The following FUT8 variants were observed in gnomAD, a reference collection of about 807,000 sequenced individuals.
FUT8 encodes the protein alpha-(1,6)-fucosyltransferase.
Under a neutral mutation model 71.3 loss-of-function variants are expected in FUT8, and 29 were observed. The ratio of observed to expected loss-of-function variants is 0.41; its 90% CI spans 0.30 to 0.55. The LOEUF (loss-of-function observed/expected upper bound fraction) is 0.55. FUT8 is among the 20% of genes least tolerant of loss of function. FUT8 has a pLI of 0.34. For synonymous variants in FUT8, 254 were observed against 239.3 expected (o/e 1.06, Z -0.57); for missense variants, 544 against 702.1 (o/e 0.77, Z 2.55).
At chr14:65,404,784 C>T in the FUT8 span, among the ~76,000 whole-genome samples, 105,172 of 152,194 alleles carry the variant, frequency 0.69, 36,596 homozygotes, top group East Asian at 0.86. Context: ...CGGCCTTGCT[C>T]CTTTTTATAC....
At chr14:65,644,504 C>T (rs945104955) in intron 6 of FUT8, among the ~76,000 whole-genome samples, 6 of 151,982 alleles carry the variant, frequency 3.9e-5, no homozygotes, top group African/African-American at 4.8e-5. Flanking sequence ...GTTCTGCAGG[C>T]GCCCATCACC....
intron 7 of FUT8, among the ~76,000 whole-genome samples, chr14:65,686,940 A>G (rs550817326): frequency 6.6e-6 from 1 of 152,316 alleles, no homozygotes; most frequent in African/African-American, 2.4e-5. Flanking sequence ...CCTGTGACTC[A>G]TGCTTTAATT....
intron 3 of FUT8, among the ~76,000 whole-genome samples, chr14:65,575,619 CTTCCTCT>C (rs1886724855): frequency 7.4e-6 from 1 of 134,384 alleles, no homozygotes; most frequent in Non-Finnish European, 1.6e-5. Context: ...TCCTTCCTTC[CTTCCTCT>C]TTTTTTTTTT....
intron 5 of FUT8, among the ~76,000 whole-genome samples, chr14:65,628,843 C>G (rs1594834822): frequency 6.6e-6 from 1 of 152,208 alleles, no homozygotes. Context: ...CCAAATCTGG[C>G]TCATTGCCTG....
chr14:65,683,345 T>G (rs1893129057), intron 7 of FUT8, among the ~76,000 whole-genome samples: 1 of 152,182 alleles, frequency 6.6e-6, no homozygotes, highest in South Asian at 2.1e-4. Flanking sequence ...CAGCATGTAA[T>G]TTTATAATGC....
intron 1 of FUT8, among the ~76,000 whole-genome samples, chr14:65,424,784 C>T (rs1030774395): frequency 6.6e-6 from 1 of 152,060 alleles, no homozygotes; most frequent in African/African-American, 2.4e-5. Context: ...TTCAGCCTCC[C>T]AAGTAGCTGG....
intron 5 of FUT8, among the ~76,000 whole-genome samples, chr14:65,620,451 T>C (rs1466221357): frequency 6.6e-6 from 1 of 152,208 alleles, no homozygotes; most frequent in Non-Finnish European, 1.5e-5. Flanking sequence ...TGGGGGATTA[T>C]GTAACAAAAG....
intron 1 of FUT8, among the ~76,000 whole-genome samples, chr14:65,445,922 C>T (rs575206174): frequency 6.6e-6 from 1 of 152,284 alleles, no homozygotes; most frequent in Admixed American, 6.5e-5. Context: ...GCGACTGTGC[C>T]CAGCTAGAAA....
intron 9 of FUT8, among the ~76,000 whole-genome samples, chr14:65,724,643 C>G (rs1895588638): frequency 6.6e-6 from 1 of 152,142 alleles, no homozygotes; most frequent in Non-Finnish European, 1.5e-5. Flanking sequence ...TTGGAGCTGC[C>G]ATAACAAAAT....
chr14:65,412,604 C>T (rs1337933374), upstream of FUT8: 1 of 307,682 alleles, frequency 3.3e-6, no homozygotes, highest in Non-Finnish European at 6.3e-6. Flanking sequence ...CTACGCTCTC[C>T]ACCGGCGCAG....
chr14:65,442,102 G>C (rs1316802679), intron 1 of FUT8, among the ~76,000 whole-genome samples: 1 of 151,760 alleles, frequency 6.6e-6, no homozygotes, highest in African/African-American at 2.4e-5. Flanking sequence ...TTTTCAGAGG[G>C]CTCCCTAGAT....
the FUT8 span, among the ~76,000 whole-genome samples, chr14:65,405,190 A>T: frequency 5.9e-5 from 9 of 152,256 alleles, no homozygotes; most frequent in South Asian, 1.9e-3. Flanking sequence ...CATTTTCATG[A>T]TTTTTTTAAA....
At chr14:65,515,449 CT>C (rs1229346882) in intron 2 of FUT8, among the ~76,000 whole-genome samples, 1 of 150,836 alleles carries the variant, frequency 6.6e-6, no homozygotes, top group African/African-American at 2.4e-5. Flanking sequence ...TTGAACATAC[CT>C]TTTTCTTTGC....
intron 3 of FUT8, among the ~76,000 whole-genome samples, chr14:65,578,884 A>G (rs1409154584): frequency 1.3e-5 from 2 of 152,182 alleles, no homozygotes; most frequent in East Asian, 3.8e-4. Context: ...TGATTTTAAC[A>G]TAGTCTTTCT....
At chr14:65,628,975 G>C (rs887417648) in intron 5 of FUT8, among the ~76,000 whole-genome samples, 7 of 152,162 alleles carry the variant, frequency 4.6e-5, no homozygotes, top group Admixed American at 4.6e-4. Context: ...AATATTTACT[G>C]TCTGGCCCGT....
At chr14:65,545,604 A>G (rs1208989383) in intron 2 of FUT8, among the ~76,000 whole-genome samples, 1 of 151,876 alleles carries the variant, frequency 6.6e-6, no homozygotes, top group Non-Finnish European at 1.5e-5. Context: ...AATTACTTCA[A>G]GAAACACTTT....
At position 65,439,954 on chromosome 14, in the gene FUT8, G is replaced by GTATATATATA. The variant is rs60534547; in HGVS notation, c.-325-15639_-325-15630dup. Reference sequence around the variant, plus strand: ...ATAAAGAAAATGTGTGTGTGTGTGTGTATATATATATATATATATATATAT... The same window carrying GTATATATATA: ...ATAAAGAAAATGTGTGTGTGTGTGTGTATATATATATATATATATATATATATATATATAT... On this transcript the variant is annotated intron_variant, in intron 1 of 10. Transcript: ENST00000673929. Among the ~76,000 whole-genome samples the GTATATATATA allele has an allele frequency of 6.9e-3, 519 of 74,850 alleles. 13 individuals are homozygous for GTATATATATA. The highest frequency in any genetic ancestry group is 0.015 in the Admixed American group (91 of 6,118). 49.1% of individuals were successfully genotyped at this position (74,850 alleles called of 152,430 possible).
At chr14:65,722,050 G>A in intron 8 of FUT8, 29 bp downstream of exon 8, 1 of 1,610,490 alleles carries the variant, frequency 6.2e-7, no homozygotes. Context: ...CCCTCAAACT[G>A]TGATATGTAG....
the FUT8 span, among the ~76,000 whole-genome samples, chr14:65,392,390 T>G: frequency 6.6e-6 from 1 of 152,264 alleles, no homozygotes; most frequent in Admixed American, 6.5e-5. Flanking sequence ...GAAACATATG[T>G]GCAAGGCCAC....
Sources: gnomAD v4.1 joint callset for allele counts (sites outside exome capture counted in the v4.1 genomes callset) on GRCh38, gnomAD v4.1.1 for gene constraint, MANE v1.5 for transcripts, NCBI Gene and HGNC (gene_info 2026-07-23, HGNC 2026-07-21) for gene names.